RPS6KB1: variants seen among roughly 807,000 people sequenced by gnomAD.
RPS6KB1 encodes ribosomal protein S6 kinase B1, also known as ribosomal protein S6 kinase beta-1.
A neutral mutation model predicts 70.2 loss-of-function variants in RPS6KB1; 12 were observed. The ratio of observed to expected loss-of-function variants is 0.17; its 90% CI spans 0.11 to 0.28. The LOEUF is 0.28. Among genes scored for constraint, RPS6KB1 ranks in the 10% least tolerant of loss-of-function variants. The pLI is 1.00. For synonymous variants in RPS6KB1, 175 were observed against 211.2 expected, an observed-to-expected ratio of 0.83 and a Z score of 1.49; for missense variants, 270 against 646.6, an observed-to-expected ratio of 0.42 and a Z score of 6.32.
At position 59,946,541 on chromosome 17, in the gene RPS6KB1, T is replaced by C; in HGVS notation, c.1341-10T>C. ...AAGCAAATGAATGATAGCTCTTCCT[T>C]GTCTTAAAGCCCAGTCAAATTTTCT... On this transcript the variant is annotated splice_polypyrimidine_tract_variant and intron_variant, in intron 14 of 14. Transcript: ENST00000225577. The surrounding 1 kb of genome is among the most constrained non-coding windows in gnomAD (Gnocchi z 4.2). The C allele has an allele frequency of 6.2e-7, 1 of 1,608,692 alleles. No individual in the cohort carries two copies. The highest frequency in any genetic ancestry group is 8.5e-7 in the Non-Finnish European group (1 of 1,175,122).
At chr17:59,927,608 G>A (rs572481755) in intron 5 of RPS6KB1, among the ~76,000 whole-genome samples, 1 of 150,816 alleles carries the variant, frequency 6.6e-6, no homozygotes, top group South Asian at 2.1e-4. Context: ...CCAGGTTCAA[G>A]CGATTGTCCT....
intron 1 of RPS6KB1, among the ~76,000 whole-genome samples, chr17:59,898,205 T>C (rs960910465): frequency 3.3e-5 from 5 of 152,136 alleles, no homozygotes; most frequent in Admixed American, 2.6e-4. Context: ...TAGAAAACTG[T>C]AATGCAATTT....
In RPS6KB1 at chr17:59,935,234, A is replaced by C. The variant is rs1351800084; in HGVS notation, c.912A>C (p.Lys304Asn). The change falls in exon 10 of 15, where the codon AAA (lysine) becomes AAC (asparagine). Residue 304 changes from lysine to asparagine, a missense_variant. Transcript: ENST00000225577. ...TGENRKKTID[K>N]ILKCKLNLPP... The stretch of plus-strand genomic sequence containing the variant: ...AGAATAGAAAGAAAACAATTGACAA[A>C]ATCCTCAAATGTAAACTCAATTTGC... 1.2e-6 allele frequency: 2 copies of C among 1,612,806 alleles called. No homozygotes were observed. Among genetic ancestry groups the C allele is most frequent in the East Asian group, 2.2e-5 (1 of 44,808 alleles).
intron 6 of RPS6KB1, 146 bp downstream of exon 6, chr17:59,930,320 G>A (rs2043859476): frequency 2.9e-6 from 2 of 694,994 alleles, no homozygotes; most frequent in Non-Finnish European, 5.3e-6. Flanking sequence ...TTTTGGGACT[G>A]GGCAGCTATG....
intron 13 of RPS6KB1, 61 bp from the exon 14 acceptor site, chr17:59,945,345 C>CTTG (rs2044861582): frequency 9.2e-6 from 8 of 866,334 alleles, no homozygotes; most frequent in Admixed American, 3.8e-5. Flanking sequence ...ACTGAACAAC[C>CTTG]CCATTCTCTT....
rs1458831332 is a variant in RPS6KB1, at chr17:59,895,233, G to A, written c.141+1908G>A. Among the ~76,000 whole-genome samples the A allele has an allele frequency of 2.0e-5, 3 of 150,584 alleles. No individual in the cohort carries two copies. In the Admixed American group the frequency reaches 2.0e-4, roughly 10 times the overall value. On this transcript the variant is annotated intron_variant, in intron 1 of 14. Coordinates refer to ENST00000225577, the MANE Select transcript of RPS6KB1 (RefSeq NM_003161.4). ...GATGGAGTTTCACTGTGTTAGCCAGGATGGTCACGATCTCTTGACCTCGTA... is the reference window on the plus strand; with the variant it reads ...GATGGAGTTTCACTGTGTTAGCCAGAATGGTCACGATCTCTTGACCTCGTA...
chr17:59,920,761 C>T (rs944483877), intron 4 of RPS6KB1, among the ~76,000 whole-genome samples: 5 of 152,154 alleles, frequency 3.3e-5, no homozygotes, highest in African/African-American at 1.2e-4. Flanking sequence ...TGCAGTGGAG[C>T]GTTCTCAGCT....
chr17:59,941,039 G>T, intron 13 of RPS6KB1, 96 bp downstream of exon 13: 1 of 676,464 alleles, frequency 1.5e-6, no homozygotes, highest in Non-Finnish European at 2.5e-6. Flanking sequence ...AGTTCATGTA[G>T]GTAACCTGGC....
At chr17:59,933,341 T>C (rs1403956088) in intron 7 of RPS6KB1, among the ~76,000 whole-genome samples, 4 of 152,124 alleles carry the variant, frequency 2.6e-5, no homozygotes, top group African/African-American at 9.7e-5. Flanking sequence ...CAGGATAGAA[T>C]AGGGGAGCGA....
intron 1 of RPS6KB1, among the ~76,000 whole-genome samples, chr17:59,903,218 T>C (rs2042061595): frequency 6.6e-6 from 1 of 151,716 alleles, no homozygotes; most frequent in South Asian, 2.1e-4. Flanking sequence ...AGGCAAAGAA[T>C]TGCTTGAACC....
intron 1 of RPS6KB1, among the ~76,000 whole-genome samples, chr17:59,907,711 A>T (rs2042354503): frequency 6.6e-6 from 1 of 151,878 alleles, no homozygotes; most frequent in South Asian, 2.1e-4. Flanking sequence ...GCTAATTTTT[A>T]AAAATTTTTT....
At chr17:59,903,175 G>A (rs749585841) in intron 1 of RPS6KB1, among the ~76,000 whole-genome samples, 10 of 151,888 alleles carry the variant, frequency 6.6e-5, no homozygotes, top group Admixed American at 1.3e-4. Context: ...GCGTGGTGGC[G>A]GGTGCCTGTA....
chr17:59,895,701 C>T (rs2041510017), intron 1 of RPS6KB1, among the ~76,000 whole-genome samples: 1 of 151,998 alleles, frequency 6.6e-6, no homozygotes, highest in South Asian at 2.1e-4. Context: ...GGCCTGATCT[C>T]GGCTCACTGC....
At chr17:59,903,256 G>T (rs1437609180) in intron 1 of RPS6KB1, among the ~76,000 whole-genome samples, 1 of 151,120 alleles carries the variant, frequency 6.6e-6, no homozygotes, top group Non-Finnish European at 1.5e-5. Flanking sequence ...AGTGACCCGA[G>T]ATAGCACCAC....
At chr17:59,935,097 A>G in intron 9 of RPS6KB1, 96 bp from the exon 10 acceptor site, 1 of 686,284 alleles carries the variant, frequency 1.5e-6, no homozygotes, top group Non-Finnish European at 2.5e-6. Context: ...ATGTATAACT[A>G]ATTTAGGAAA....
At position 59,893,435 on chromosome 17, in the gene RPS6KB1, A is replaced by G. The variant is rs2041255548; in HGVS notation, c.141+110A>G. On this transcript the variant is annotated intron_variant, in intron 1 of 14. Coordinates refer to ENST00000225577, the MANE Select transcript of RPS6KB1 (RefSeq NM_003161.4). This position sits in a 1 kb window ranked among gnomAD's most constrained non-coding sequence, Gnocchi z 4.1. ...TGGAGACCCAGGGGGGCTCCTGAGG[A>G]GCTGAGGGTCGCGCGGCCTGAGACA... is the stretch of plus-strand genomic sequence containing the variant. 1 of 1,159,510 alleles carries G rather than the reference A, an allele frequency of 8.6e-7. No individual in the cohort carries two copies. Among genetic ancestry groups the G allele is most frequent in the African/African-American group, 1.5e-5 (1 of 64,644 alleles). 71.8% of individuals were successfully genotyped at this position (1,159,510 alleles called of 1,614,324 possible).
chr17:59,941,751 A>G (rs2044605181), intron 13 of RPS6KB1, among the ~76,000 whole-genome samples: 1 of 150,694 alleles, frequency 6.6e-6, no homozygotes, highest in South Asian at 2.1e-4. Flanking sequence ...CTCCTGCCTC[A>G]GCCTCCCGAG....
At chr17:59,925,937 C>T (rs187318759) in intron 4 of RPS6KB1, among the ~76,000 whole-genome samples, 23 of 152,158 alleles carry the variant, frequency 1.5e-4, no homozygotes, top group East Asian at 7.7e-4. Context: ...TGAGCCACCA[C>T]GTCCAGGCCA....
chr17:59,913,864 CT>C (rs940695754), intron 3 of RPS6KB1: 1 of 152,140 alleles, frequency 6.6e-6, no homozygotes, highest in Non-Finnish European at 1.5e-5. Context: ...CCACATCCGG[CT>C]AATTTTTGTA....
Sources: allele counts gnomAD v4.1 joint callset (sites outside exome capture counted in the v4.1 genomes callset), GRCh38; gene constraint gnomAD v4.1.1; non-coding constraint Gnocchi (gnomAD v3.1); transcripts MANE v1.5; gene names NCBI Gene and HGNC (gene_info 2026-07-23, HGNC 2026-07-21).